The following ITFG1 variants were observed in gnomAD, a reference collection of about 807,000 sequenced individuals.
ITFG1 encodes the protein T-cell immunomodulatory protein.
ITFG1 carries 34 observed loss-of-function variants against 81.8 expected under a neutral mutation model. The observed-to-expected ratio is 0.42, with a 90% CI of 0.32 to 0.55. The LOEUF is 0.55. Among genes scored for constraint, ITFG1 ranks in the 20% least tolerant of loss-of-function variants. ITFG1 has a pLI of 0.17. For synonymous variants in ITFG1, 285 were observed against 270.6 expected (o/e 1.05, Z -0.52); for missense variants, 672 against 755.4 (o/e 0.89, Z 1.29).
chr16:47,456,548 T>C (rs1969455642), intron 2 of ITFG1, among the ~76,000 whole-genome samples: 1 of 151,970 alleles, frequency 6.6e-6, no homozygotes, highest in Non-Finnish European at 1.5e-5. Context: ...CAAAATTCGC[T>C]GGGCGTGGCG....
chr16:47,362,437 C>G (rs115086985), intron 8 of ITFG1, among the ~76,000 whole-genome samples: 3,095 of 152,264 alleles, frequency 0.02, 107 homozygotes, highest in African/African-American at 0.07. Flanking sequence ...AAGGTATTAA[C>G]AAAGAGATGT....
At chr16:47,246,527 A>G (rs953834954) in intron 12 of ITFG1, among the ~76,000 whole-genome samples, 7 of 152,184 alleles carry the variant, frequency 4.6e-5, no homozygotes, top group African/African-American at 1.7e-4. Context: ...TGAACTCTCT[A>G]CATAATATTA....
chr16:47,170,470 T>C lies in ITFG1; in HGVS notation c.1454-7806A>G, dbSNP rs1433798389. Among the ~76,000 whole-genome samples, 3 of 151,856 alleles carry C rather than the reference T, an allele frequency of 2.0e-5. No individual in the cohort carries two copies. In the East Asian group the frequency reaches 5.8e-4, roughly 29 times the overall value. ...TTGAGACAAGAGTCTTGCTCTGTTG[T>C]CCAGGCTGGAGTGCAATGGTGTGAT... On this transcript the variant is annotated intron_variant, in intron 14 of 17. Coordinates refer to ENST00000320640, the MANE Select transcript of ITFG1 (RefSeq NM_030790.5).
intron 10 of ITFG1, among the ~76,000 whole-genome samples, chr16:47,288,096 C>T (rs1272245540): frequency 5.3e-5 from 8 of 152,136 alleles, no homozygotes; most frequent in Non-Finnish European, 1.0e-4. Flanking sequence ...CAACCCTTGG[C>T]GTTCACCTAT....
chr16:47,363,886 A>C (rs552345645), intron 8 of ITFG1, among the ~76,000 whole-genome samples: 32 of 152,074 alleles, frequency 2.1e-4, no homozygotes, highest in African/African-American at 7.5e-4. Context: ...TTTGGTACAG[A>C]CTTCTTGTCA....
chr16:47,293,135 A>G (rs1171575189), intron 10 of ITFG1, among the ~76,000 whole-genome samples: 2 of 147,186 alleles, frequency 1.4e-5, no homozygotes, highest in African/African-American at 5.0e-5. Flanking sequence ...CATGATATAT[A>G]ATATATATCA....
intron 6 of ITFG1, among the ~76,000 whole-genome samples, chr16:47,410,462 C>T (rs1968796058): frequency 6.6e-6 from 1 of 151,942 alleles, no homozygotes; most frequent in Non-Finnish European, 1.5e-5. Context: ...TGACTAGACA[C>T]AGCCAGGAAG....
At chr16:47,429,689 G>A (rs1596978482) in intron 5 of ITFG1, among the ~76,000 whole-genome samples, 3 of 152,184 alleles carry the variant, frequency 2.0e-5, no homozygotes, top group African/African-American at 4.8e-5. Flanking sequence ...TGCTGAACAT[G>A]TTTGCTGTGG....
intron 8 of ITFG1, among the ~76,000 whole-genome samples, chr16:47,318,110 A>C (rs1967391546): frequency 6.6e-6 from 1 of 151,992 alleles, no homozygotes; most frequent in African/African-American, 2.4e-5. Context: ...CGCAATCTTA[A>C]GAAACCAAAA....
At chr16:47,379,358 T>C (rs572157213) in intron 6 of ITFG1, among the ~76,000 whole-genome samples, 2 of 152,250 alleles carry the variant, frequency 1.3e-5, no homozygotes, top group East Asian at 3.9e-4. Context: ...CCAACAATAG[T>C]TGATACCAAA....
chr16:47,372,469 T>A (rs926184299), intron 7 of ITFG1, among the ~76,000 whole-genome samples: 3 of 151,660 alleles, frequency 2.0e-5, no homozygotes, highest in South Asian at 2.1e-4. Flanking sequence ...TTTTTTTTTT[T>A]ATTTTTTGAG....
At chr16:47,344,057 A>T (rs957435993) in intron 8 of ITFG1, among the ~76,000 whole-genome samples, 1 of 152,322 alleles carries the variant, frequency 6.6e-6, no homozygotes, top group Non-Finnish European at 1.5e-5. Flanking sequence ...GATTCCACTT[A>T]TATGAAATAT....
intron 8 of ITFG1, among the ~76,000 whole-genome samples, chr16:47,325,590 G>C (rs1392436073): frequency 6.6e-6 from 1 of 151,978 alleles, no homozygotes; most frequent in Non-Finnish European, 1.5e-5. Flanking sequence ...GACTAATAAA[G>C]AAGAAAAGAG....
At chr16:47,286,181 T>C (rs1966868663) in intron 10 of ITFG1, among the ~76,000 whole-genome samples, 1 of 152,172 alleles carries the variant, frequency 6.6e-6, no homozygotes, top group Non-Finnish European at 1.5e-5. Flanking sequence ...TGATGCAGTC[T>C]TAACAAAGGC....
chr16:47,440,687 G>A (rs1969236119), intron 5 of ITFG1, among the ~76,000 whole-genome samples: 1 of 152,002 alleles, frequency 6.6e-6, no homozygotes, highest in Admixed American at 6.6e-5. Context: ...ATTCAAAGCC[G>A]TGTGTAGAGG....
intron 5 of ITFG1, among the ~76,000 whole-genome samples, chr16:47,445,111 TAAAAA>T (rs61015312): frequency 7.6e-6 from 1 of 131,916 alleles, no homozygotes. Context: ...AAATGTACAT[TAAAAA>T]AAAAAAAAAA....
At chr16:47,451,064 A>T (rs186904108) in intron 5 of ITFG1, among the ~76,000 whole-genome samples, 2 of 152,340 alleles carry the variant, frequency 1.3e-5, no homozygotes, top group Admixed American at 6.5e-5. Flanking sequence ...TGACTAAGGT[A>T]CTAAGATAGG....
intron 8 of ITFG1, among the ~76,000 whole-genome samples, chr16:47,348,058 C>T (rs1052107084): frequency 1.3e-5 from 2 of 152,068 alleles, no homozygotes; most frequent in African/African-American, 4.8e-5. Context: ...AAACCCCATC[C>T]GTACGTCACC....
chr16:47,426,715 A>C (rs1969025470), intron 6 of ITFG1, among the ~76,000 whole-genome samples: 5 of 152,000 alleles, frequency 3.3e-5, no homozygotes, highest in Admixed American at 6.6e-5. Flanking sequence ...AATATTTTTA[A>C]CTTTGAAAAT....
Sources: allele counts gnomAD v4.1 joint callset (sites outside exome capture counted in the v4.1 genomes callset), GRCh38; gene constraint gnomAD v4.1.1; transcripts MANE v1.5; gene names NCBI Gene and HGNC (gene_info 2026-07-23, HGNC 2026-07-21).